The following CCDC169 variants were observed in gnomAD, a reference collection of about 807,000 sequenced individuals.
CCDC169 encodes coiled-coil domain containing 169.
A neutral mutation model predicts 36.0 loss-of-function variants in CCDC169; 30 were observed. The observed-to-expected ratio is 0.83, with a 90% CI of 0.62 to 1.13. The LOEUF (loss-of-function observed/expected upper bound fraction) is 1.13, where lower values mean the gene tolerates loss of function less well. CCDC169 is among the 50% of genes most tolerant of loss of function. The probability of loss-of-function intolerance (pLI) is 0.00; values close to 1 mark genes in which losing one functional copy is unlikely to be tolerated. For missense variants in CCDC169, 245 were observed against 245.9 expected, an observed-to-expected ratio of 1.00 and a Z score of 0.03; for synonymous variants, 85 against 81.5, an observed-to-expected ratio of 1.04 and a Z score of -0.23.
At chr13:36,228,713 G>T (rs1309971815), downstream of CCDC169, among the ~76,000 whole-genome samples, 1 of 152,080 alleles carries the variant, frequency 6.6e-6, no homozygotes, top group African/African-American at 2.4e-5. Flanking sequence ...ACCACAACTG[G>T]TTAATTTTTG....
At chr13:36,239,443 T>C (rs2138413557) in intron 7 of CCDC169, among the ~76,000 whole-genome samples, 1 of 152,258 alleles carries the variant, frequency 6.6e-6, no homozygotes, top group African/African-American at 2.4e-5. Context: ...ATAATAGTGG[T>C]TAAGCCTCCA....
In CCDC169 at chr13:36,250,129, G is replaced by A. The variant is rs11840462; in HGVS notation, c.469-1447C>T. On this transcript the variant is annotated intron_variant, in intron 6 of 7. Transcript: ENST00000239859. ...GCACAGGTGCTTTGCAAGCATACAGGAGATGTAGCTAATTGAGGGTATGGG... is the reference window on the plus strand; with the variant it reads ...GCACAGGTGCTTTGCAAGCATACAGAAGATGTAGCTAATTGAGGGTATGGG... Among the ~76,000 whole-genome samples the A allele has an allele frequency of 3.9e-3, 600 of 152,292 alleles. 7 individuals are homozygous for A. The highest frequency in any genetic ancestry group is 0.014 in the African/African-American group (566 of 41,564).
At chr13:36,296,081 A>C (rs900275608) in intron 1 of CCDC169, among the ~76,000 whole-genome samples, 2 of 151,990 alleles carry the variant, frequency 1.3e-5, no homozygotes, top group Admixed American at 6.6e-5. Context: ...ACCATTAGAA[A>C]TCTTTTATTT....
chr13:36,292,863 A>G (rs547963714), intron 2 of CCDC169, among the ~76,000 whole-genome samples: 5 of 151,974 alleles, frequency 3.3e-5, no homozygotes, highest in Non-Finnish European at 7.4e-5. Context: ...GATATCCTTG[A>G]GTAGGTGCAA....
At chr13:36,239,067 T>A (rs529007446) in intron 7 of CCDC169, among the ~76,000 whole-genome samples, 13 of 152,040 alleles carry the variant, frequency 8.6e-5, no homozygotes, top group African/African-American at 3.1e-4. Context: ...CCTGTCCATA[T>A]TCTCTACAGA....
chr13:36,274,970 A>C (rs1189967504), intron 4 of CCDC169, among the ~76,000 whole-genome samples: 2 of 146,180 alleles, frequency 1.4e-5, no homozygotes, highest in South Asian at 4.3e-4. Context: ...CCAGGTTCAC[A>C]CCATTCTCCT....
At chr13:36,256,061 C>T (rs868321557) in intron 4 of CCDC169, among the ~76,000 whole-genome samples, 16 of 152,304 alleles carry the variant, frequency 1.1e-4, no homozygotes, top group Middle Eastern at 3.4e-3. Flanking sequence ...TGCCTGCAAG[C>T]GTTGCTTCCA....
chr13:36,239,487 T>C (rs2138413698), intron 7 of CCDC169, among the ~76,000 whole-genome samples: 1 of 152,298 alleles, frequency 6.6e-6, no homozygotes, highest in South Asian at 2.1e-4. Flanking sequence ...AAACAGACAC[T>C]TGCAGTTCCA....
At position 36,252,431 on chromosome 13, in the gene CCDC169, A is replaced by T. The variant is rs558855329; in HGVS notation, c.468+1372T>A. Among the ~76,000 whole-genome samples, 13 of 152,274 alleles carry T rather than the reference A, an allele frequency of 8.5e-5. No individual in the cohort carries two copies. The South Asian group carries it at 1.7e-3, about 19-fold the overall frequency. ...TGTCCCCCATTAGCTCTAATCCCCAAACCTAATGCCCTTCCTCTCAATCCT... is the reference window on the plus strand; with the variant it reads ...TGTCCCCCATTAGCTCTAATCCCCATACCTAATGCCCTTCCTCTCAATCCT... On this transcript the variant is annotated intron_variant, in intron 6 of 7. Transcript: ENST00000239859.
chr13:36,251,832 G>T (rs1191354808), intron 6 of CCDC169, among the ~76,000 whole-genome samples: 3 of 152,140 alleles, frequency 2.0e-5, no homozygotes, highest in Non-Finnish European at 4.4e-5. Flanking sequence ...GTCACAGAGA[G>T]GGGCTAGGAA....
At chr13:36,253,139 G>A (rs369073943) in intron 6 of CCDC169, among the ~76,000 whole-genome samples, 2 of 152,042 alleles carry the variant, frequency 1.3e-5, no homozygotes, top group East Asian at 1.9e-4. Context: ...TTATAAGTAC[G>A]CACTTCTACT....
At chr13:36,222,091 A>T (rs1869643310) in exon 7 of CCDC169, 1 of 152,118 alleles carries the variant, frequency 6.6e-6, no homozygotes, top group Admixed American at 6.5e-5. Flanking sequence ...GTAACAGGGG[A>T]AAGATTTAGC....
downstream of CCDC169, chr13:36,224,476 C>A (rs1869759284): frequency 6.6e-6 from 1 of 152,122 alleles, no homozygotes; most frequent in East Asian, 1.9e-4. Flanking sequence ...AATAACATTT[C>A]TATACACCAA....
Position 36,295,775 on chromosome 13 carries a change from T to C in CCDC169, c.163+3A>G. On this transcript the variant is annotated splice_donor_region_variant and intron_variant, in intron 2 of 7. Transcript: ENST00000239859. ...TCACAAATATAAGTATTTACTTATA[T>C]ACCTTCATTGTCAGTATTGAGTTTG... The C allele has an allele frequency of 4.1e-6, 6 of 1,476,184 alleles. No homozygotes were observed. Among genetic ancestry groups the C allele is most frequent in the Non-Finnish European group, 5.5e-6 (6 of 1,082,098 alleles). The allele number at this position is 1,476,184 out of a possible 1,614,324, so 91.4% of individuals were successfully genotyped here. A position where few individuals can be genotyped will look rare whatever the true frequency, so the allele number is the denominator to read the frequency against.
chr13:36,290,412 T>C (rs7988669), intron 2 of CCDC169, among the ~76,000 whole-genome samples: 21,322 of 152,194 alleles, frequency 0.14, 1,505 homozygotes, highest in Admixed American at 0.18. Flanking sequence ...CCTGTAACTG[T>C]CAGAACTAGG....
intron 4 of CCDC169, among the ~76,000 whole-genome samples, chr13:36,260,264 T>C (rs1594041688): frequency 6.6e-6 from 1 of 152,336 alleles, no homozygotes; most frequent in East Asian, 1.9e-4. Context: ...TTCATTTTAT[T>C]GTTACCATTG....
rs188288031 is a variant in CCDC169, at chr13:36,263,869, A to G, written c.316-9726T>C. ...AAAGCCCTATGAAATAAACTGCTCAATATGAAGAGCTTTTGAAGGGATAAT... is the reference window on the plus strand; with the variant it reads ...AAAGCCCTATGAAATAAACTGCTCAGTATGAAGAGCTTTTGAAGGGATAAT... On this transcript the variant is annotated intron_variant, in intron 4 of 7. Coordinates refer to ENST00000239859, the MANE Select transcript of CCDC169 (RefSeq NM_001144981.3). Among the ~76,000 whole-genome samples, 181 of 152,286 alleles carry G rather than the reference A, an allele frequency of 1.2e-3. 3 individuals carry two copies. The highest frequency in any genetic ancestry group is 7.4e-3 in the Admixed American group (113 of 15,290).
At chr13:36,274,054 C>G (rs1159595231) in intron 4 of CCDC169, among the ~76,000 whole-genome samples, 1 of 152,196 alleles carries the variant, frequency 6.6e-6, no homozygotes, top group East Asian at 1.9e-4. Flanking sequence ...ACTTCATTCT[C>G]CTTCTCTATA....
At chr13:36,267,645 G>A (rs1163970075) in intron 4 of CCDC169, among the ~76,000 whole-genome samples, 1 of 152,100 alleles carries the variant, frequency 6.6e-6, no homozygotes, top group Non-Finnish European at 1.5e-5. Flanking sequence ...TAAATGCTCT[G>A]CTTAAAAAAT....
Sources: gnomAD v4.1 joint callset for allele counts (sites outside exome capture counted in the v4.1 genomes callset) on GRCh38, gnomAD v4.1.1 for gene constraint, MANE v1.5 for transcripts, NCBI Gene and HGNC (gene_info 2026-07-23, HGNC 2026-07-21) for gene names.